The following TLE3 variants were observed in gnomAD, a reference collection of about 807,000 sequenced individuals.
TLE3 encodes the protein TLE family member 3, transcriptional corepressor.
Under a neutral mutation model 93.0 loss-of-function variants are expected in TLE3, and 14 were observed. The observed-to-expected ratio is 0.15, with a 90% CI of 0.10 to 0.24. TLE3 has a LOEUF of 0.24. TLE3 is among the 10% of genes least tolerant of loss of function. The pLI is 1.00. For synonymous variants in TLE3, 451 were observed against 425.0 expected, an observed-to-expected ratio of 1.06 and a Z score of -0.75; for missense variants, 693 against 1,046.6, an observed-to-expected ratio of 0.66 and a Z score of 4.66.
chr15:70,058,341 C>T lies in TLE3; in HGVS notation c.919-50G>A. ...GGGAGGCCATGAGGCTTCCATTCTC[C>T]TAGGAGCCGGGCACAACTGGTGCCG... On this transcript the variant is annotated intron_variant, in intron 11 of 19. Transcript: ENST00000451782. This position sits in a 1 kb window ranked among gnomAD's most constrained non-coding sequence, Gnocchi z 4.1. The T allele has an allele frequency of 1.3e-6, 2 of 1,547,958 alleles. No individual in the cohort carries two copies. Among genetic ancestry groups the T allele is most frequent in the Admixed American group, 3.8e-5 (2 of 52,336 alleles).
Position 70,074,552 on chromosome 15 carries a change from T to C in TLE3, c.353A>G (p.Glu118Gly). 6.2e-7 allele frequency: 1 copy of C among 1,612,828 alleles called. No homozygotes were observed. Among genetic ancestry groups the C allele is most frequent in the South Asian group, 1.1e-5 (1 of 90,780 alleles). ...ACGTACCCCGATGATGGCGTTCAGC[T>C]CCGTCATGGTGACCTGCTTGGCGCG... ...VERAKQVTMTELNAIIGQQQL... is the reference protein window; with the variant it reads ...VERAKQVTMTGLNAIIGQQQL... Residue 118 changes from glutamate (E) to glycine (G), a missense_variant, in exon 6 of 20, where the codon GAG becomes GGG. Physicochemically the swap from Glu to Gly is moderately conservative, Grantham distance 98. Transcript: ENST00000451782.
At chr15:70,069,686 C>A (rs1281469146) in intron 6 of TLE3, among the ~76,000 whole-genome samples, 6 of 152,246 alleles carry the variant, frequency 3.9e-5, no homozygotes, top group Non-Finnish European at 8.8e-5. Context: ...CTCCAAGGCT[C>A]CTTCCTCAGT....
chr15:70,086,778 G>C (rs1183618625), intron 4 of TLE3, among the ~76,000 whole-genome samples: 1 of 152,130 alleles, frequency 6.6e-6, no homozygotes, highest in Non-Finnish European at 1.5e-5. Context: ...ATGGCAAGCC[G>C]AGTTTACCAA....
chr15:70,088,152 T>A (rs1171455027), intron 4 of TLE3, among the ~76,000 whole-genome samples: 1 of 152,230 alleles, frequency 6.6e-6, no homozygotes, highest in Non-Finnish European at 1.5e-5. Context: ...GCCCACTGAT[T>A]GTGCAACATC....
At chr15:70,076,640 GAC>G (rs962585791) in intron 4 of TLE3, among the ~76,000 whole-genome samples, 4 of 152,208 alleles carry the variant, frequency 2.6e-5, no homozygotes, top group Admixed American at 1.3e-4. Context: ...GGTTCCCTGG[GAC>G]TAGCCTCTCC....
intron 8 of TLE3, among the ~76,000 whole-genome samples, chr15:70,062,378 CGGGCA>C (rs1016134816): frequency 1.3e-5 from 2 of 152,162 alleles, no homozygotes; most frequent in African/African-American, 4.8e-5. Flanking sequence ...TGCAGGCGGG[CGGGCA>C]GGGGAGGGGG....
intron 2 of TLE3, 50 bp downstream of exon 2, chr15:70,096,110 AG>A (rs71149952): frequency 1 from 1,526,744 of 1,526,762 alleles, 763,363 homozygotes; most frequent in Middle Eastern, 1. Context: ...GGAGCCGCGC[AG>A]GGGACCCACC....
intron 8 of TLE3, among the ~76,000 whole-genome samples, chr15:70,063,146 C>T (rs2056600056): frequency 6.6e-6 from 1 of 152,148 alleles, no homozygotes. Context: ...AGAGGTTGGT[C>T]AAGCAGGAAT....
Position 70,066,080 on chromosome 15 carries a change from C to G in TLE3, c.511G>C (p.Ala171Pro). The stretch of plus-strand genomic sequence containing the variant: ...GTCAGATGGGCCTGGCTGCCCAGGG[C>G]GCCCAGTGCCAGCAGCCCGGAGCTG... The part of the protein sequence containing the change: ...GSSSGLLALG[A>P]LGSQAHLTVK... The change falls in exon 7 of 20, where the codon GCC (alanine) becomes CCC (proline). Residue 171 changes from alanine (A) to proline (P), a missense_variant. Physicochemically the swap from Ala to Pro is conservative, Grantham distance 27. Coordinates refer to ENST00000451782, the MANE Select transcript of TLE3 (RefSeq NM_001105192.3). 1 of 1,599,158 alleles carries G rather than the reference C, an allele frequency of 6.3e-7. No homozygotes were observed. The highest frequency in any genetic ancestry group is 8.5e-7 in the Non-Finnish European group (1 of 1,172,456).
chr15:70,060,919 T>C (rs1393036312), intron 8 of TLE3: 1 of 453,458 alleles, frequency 2.2e-6, no homozygotes, highest in Non-Finnish European at 4.2e-6. Context: ...AACCCTGCAG[T>C]AAGCCGTCTG....
intron 18 of TLE3, among the ~76,000 whole-genome samples, chr15:70,052,121 A>G (rs1454439669): frequency 6.6e-6 from 1 of 152,216 alleles, no homozygotes; most frequent in East Asian, 1.9e-4. Context: ...CTTTGCCCCA[A>G]GCCTGCAAGA....
In TLE3 at chr15:70,055,274, A is replaced by T. The variant is rs763083267; in HGVS notation, c.1353T>A (p.Ala451=). ...AGGGCACGGGCTGCATCTGCCCATC[A>T]GCACTCACATGGAATGAGTACGCTC... ...GKPAYSFHVS[A]DGQMQPVPFP... is the part of the protein sequence containing the mutation. Residue 451 remains alanine, a synonymous_variant, in exon 15 of 20, where the codon GCT becomes GCA. Transcript: ENST00000451782. The T allele has an allele frequency of 1.9e-5, 31 of 1,597,674 alleles. No homozygotes were observed. The highest frequency in any genetic ancestry group is 6.7e-5 in the Admixed American group (4 of 59,422).
rs1490752717 is a variant in TLE3 at position 70,097,120 on chromosome 15, A to T, written c.-322T>A. On this transcript the variant is annotated 5_prime_UTR_variant, in exon 1 of 20. Coordinates refer to ENST00000451782, the MANE Select transcript of TLE3 (RefSeq NM_001105192.3). ...TGCGTCGAGCGCGTCAATGCCTGGG[A>T]CTGCGCGGACATCGTCGGCTCCCCA... 2.3e-6 allele frequency: 1 copy of T among 439,476 alleles called. No individual in the cohort carries two copies. The highest frequency in any genetic ancestry group is 2.1e-5 in the African/African-American group (1 of 48,326). 27.2% of individuals were successfully genotyped at this position (439,476 alleles called of 1,614,324 possible).
intron 3 of TLE3, 40 bp downstream of exon 3, chr15:70,095,519 CGCGCCCCCGGCCGGGGTCG>C (rs1439282743): frequency 2.6e-6 from 4 of 1,546,790 alleles, no homozygotes; most frequent in Non-Finnish European, 3.5e-6. Context: ...AGATCCACGC[CGCGCCCCCGGCCGGGGTCG>C]GCGCCCCAAC....
intron 3 of TLE3, chr15:70,094,874 G>T (rs1166493271): frequency 4.3e-5 from 15 of 346,972 alleles, no homozygotes; most frequent in Non-Finnish European, 1.1e-5. Flanking sequence ...GTTCAACAGG[G>T]AATCGTGTGT....
At chr15:70,093,069 G>A (rs139871032) in intron 4 of TLE3, among the ~76,000 whole-genome samples, 1 of 152,276 alleles carries the variant, frequency 6.6e-6, no homozygotes, top group East Asian at 1.9e-4. Context: ...CCGGGACCTG[G>A]CCCCTTCCAG....
chr15:70,054,138 G>T, intron 16 of TLE3: 1 of 306,112 alleles, frequency 3.3e-6, no homozygotes, highest in Non-Finnish European at 6.1e-6. Context: ...TCTGGTCTCT[G>T]GGGCTCTGCT....
rs1831271995 is a variant in TLE3 at position 70,077,222 on chromosome 15, C to T, written c.235-1064G>A. 3.3e-5 allele frequency among the ~76,000 whole-genome samples: 5 copies of T among 152,296 alleles called. No individual in the cohort carries two copies. In the East Asian group the frequency reaches 9.6e-4, roughly 29 times the overall value. On this transcript the variant is annotated intron_variant, in intron 4 of 19. Transcript: ENST00000451782. ...CCTATGTAAACTTTAGATCTCAGAT[C>T]AAGAGTGGTGCTATACGGGTTAACT...
chr15:70,087,246 G>A (rs890147150), intron 4 of TLE3, among the ~76,000 whole-genome samples: 2 of 152,088 alleles, frequency 1.3e-5, no homozygotes, highest in African/African-American at 4.8e-5. Flanking sequence ...CACAGCACAG[G>A]CCTCACCTCC....
Sources: allele counts gnomAD v4.1 joint callset (sites outside exome capture counted in the v4.1 genomes callset), GRCh38; gene constraint gnomAD v4.1.1; non-coding constraint Gnocchi (gnomAD v3.1); transcripts MANE v1.5; gene names NCBI Gene and HGNC (gene_info 2026-07-23, HGNC 2026-07-21).